TK2: variants seen among roughly 807,000 people sequenced by gnomAD.
TK2 encodes the protein thymidine kinase 2.
A neutral mutation model predicts 41.9 loss-of-function variants in TK2; 35 were observed. The observed-to-expected ratio is 0.84, with a 90% CI of 0.64 to 1.11. The LOEUF (loss-of-function observed/expected upper bound fraction) is 1.11. Among genes scored for constraint, TK2 ranks in the 50% least tolerant of loss-of-function variants. The pLI is 0.00. For synonymous variants in TK2, 128 were observed against 129.1 expected, an observed-to-expected ratio of 0.99 and a Z score of 0.06; for missense variants, 320 against 351.1, an observed-to-expected ratio of 0.91 and a Z score of 0.71.
At chr16:66,541,695 G>C (rs1179497538) in intron 3 of TK2, among the ~76,000 whole-genome samples, 184 bp downstream of exon 3, 2 of 152,062 alleles carry the variant, frequency 1.3e-5, no homozygotes, top group Non-Finnish European at 2.9e-5. Flanking sequence ...AGGATTACAG[G>C]CTTGAGCCAC....
chr16:66,530,288 G>A (rs1965069384), intron 5 of TK2, among the ~76,000 whole-genome samples: 1 of 152,178 alleles, frequency 6.6e-6, no homozygotes, highest in African/African-American at 2.4e-5. Flanking sequence ...CTGGCTGTAG[G>A]GACAGTCTGT....
Position 66,513,767 on chromosome 16 carries a change from G to C in TK2, c.663C>G (p.Ile221Met). The C allele has an allele frequency of 1.9e-6, 3 of 1,614,078 alleles. No homozygotes were observed. The highest frequency in any genetic ancestry group is 1.1e-5 in the South Asian group (1 of 91,076). The change falls in exon 9 of 10, where the codon ATC becomes ATG. Residue 221 changes from isoleucine (I) to methionine (M), a missense_variant. Transcript: ENST00000544898. ...AIHHLHEEWLIKGSLFPMAAP... is the reference protein window; with the variant it reads ...AIHHLHEEWLMKGSLFPMAAP... ...CTGCCATGGGGAAAAGGCTGCCTTTGATGAGCCACTCCTCATGGAGATGGT... is the reference window on the plus strand; with the variant it reads ...CTGCCATGGGGAAAAGGCTGCCTTTCATGAGCCACTCCTCATGGAGATGGT...
intron 9 of TK2, among the ~76,000 whole-genome samples, chr16:66,512,636 A>T (rs995431296): frequency 6.6e-6 from 1 of 152,110 alleles, no homozygotes; most frequent in African/African-American, 2.4e-5. Flanking sequence ...ATAAAAAATT[A>T]TCCAGGCATG....
At chr16:66,520,644 T>C (rs941352013) in intron 6 of TK2, among the ~76,000 whole-genome samples, 2 of 152,096 alleles carry the variant, frequency 1.3e-5, no homozygotes, top group Non-Finnish European at 2.9e-5. Context: ...CACGACTACA[T>C]TGTCACCCTG....
chr16:66,536,074 C>T (rs1305156026), intron 4 of TK2, among the ~76,000 whole-genome samples: 1 of 151,876 alleles, frequency 6.6e-6, no homozygotes, highest in South Asian at 2.1e-4. Context: ...CATGGTCGTG[C>T]GCACCTGTAG....
chr16:66,534,743 T>C (rs1965224414), intron 4 of TK2, among the ~76,000 whole-genome samples: 1 of 152,256 alleles, frequency 6.6e-6, no homozygotes, highest in African/African-American at 2.4e-5. Context: ...CCAACCCACC[T>C]ACTCAATCAC....
chr16:66,549,496 G>A, intron 1 of TK2: 1 of 1,037,850 alleles, frequency 9.6e-7, no homozygotes, highest in African/African-American at 1.7e-5. Context: ...GTGTAACAGT[G>A]ACCCGTTTCT....
In TK2 at chr16:66,516,775, C is replaced by T. The variant is rs189484807; in HGVS notation, c.618+361G>A. ...AGGGCTGGGTCCTGCCCTCCTGGAA[C>T]TCGCATTCTAGGGAGGACACAGAGA... is the stretch of plus-strand genomic sequence containing the variant. On this transcript the variant is annotated intron_variant, in intron 8 of 9. Transcript: ENST00000544898. Among the ~76,000 whole-genome samples, 565 of 152,170 alleles carry T rather than the reference C, an allele frequency of 3.7e-3. 3 individuals carry two copies. The highest frequency in any genetic ancestry group is 6.8e-3 in the Non-Finnish European group (464 of 68,014).
In TK2 at chr16:66,511,095, C is replaced by T. The variant is rs1023641904; in HGVS notation, c.*873G>A. The T allele has an allele frequency of 5.9e-5, 9 of 152,446 alleles. No individual in the cohort carries two copies. The highest frequency in any genetic ancestry group is 2.2e-4 in the African/African-American group (9 of 41,548). The allele number at this position is 152,446 out of a possible 1,614,324, so 9.4% of individuals were successfully genotyped here. A position where few individuals can be genotyped will look rare whatever the true frequency, so the allele number is the denominator to read the frequency against. ...GGCTGCCCCTTGCCCCAGCTTGGCTCTGGGCAAACCAGCCAGGCACCAAAA... is the reference window on the plus strand; with the variant it reads ...GGCTGCCCCTTGCCCCAGCTTGGCTTTGGGCAAACCAGCCAGGCACCAAAA... On this transcript the variant is annotated 3_prime_UTR_variant, in exon 10 of 10. Transcript: ENST00000544898.
chr16:66,538,736 A>G (rs1965364016), intron 3 of TK2, among the ~76,000 whole-genome samples: 1 of 152,240 alleles, frequency 6.6e-6, no homozygotes, highest in Admixed American at 6.5e-5. Flanking sequence ...TCTGTCAGGA[A>G]GCATAACCTC....
chr16:66,550,160 C>CCTGG, upstream of TK2: 1 of 1,612,690 alleles, frequency 6.2e-7, no homozygotes, highest in African/African-American at 1.3e-5. Flanking sequence ...GATCCCGGCG[C>CCTGG]CTGGCCCTTA....
At chr16:66,530,611 T>C (rs953709533) in intron 5 of TK2, among the ~76,000 whole-genome samples, 6 of 152,162 alleles carry the variant, frequency 3.9e-5, no homozygotes, top group Non-Finnish European at 7.3e-5. Context: ...AAACAAAGCA[T>C]GCATTCGAGT....
At chr16:66,543,692 C>T (rs1345005407) in intron 2 of TK2, among the ~76,000 whole-genome samples, 1 of 152,198 alleles carries the variant, frequency 6.6e-6, no homozygotes, top group East Asian at 1.9e-4. Context: ...CTTCTCACGA[C>T]TCCTGATGGA....
chr16:66,549,714 G>A, intron 1 of TK2: 1 of 1,266,644 alleles, frequency 7.9e-7, no homozygotes. Context: ...GCTCTTTAAA[G>A]GCCCTCTCTC....
rs187374385 is a variant in TK2, at chr16:66,524,390, C to T, written c.449+4604G>A. Among the ~76,000 whole-genome samples, 10 of 152,256 alleles carry T rather than the reference C, an allele frequency of 6.6e-5. No homozygotes were observed. In the East Asian group the frequency reaches 1.7e-3, roughly 26 times the overall value. On this transcript the variant is annotated intron_variant, in intron 6 of 9. Coordinates refer to ENST00000544898, the MANE Select transcript of TK2 (RefSeq NM_004614.5). ...CCACTGTGTCACTTGGGCTGGAGTG[C>T]AGTGGTATGCTCATAGCTCACTGCA...
rs929012642 is a variant in TK2 at position 66,508,715 on chromosome 16, GT to G, written c.*3252del. On this transcript the variant is annotated 3_prime_UTR_variant, in exon 10 of 10. Transcript: ENST00000544898. ...AATGGTGCATGTCTGCAGGAAGATT[GT>G]TCTGACTGATATATTCCCCAGGCGG... The G allele has an allele frequency of 1.3e-5, 2 of 152,250 alleles. No homozygotes were observed. Among genetic ancestry groups the G allele is most frequent in the Non-Finnish European group, 2.9e-5 (2 of 68,056 alleles). The allele number at this position is 152,250 out of a possible 1,614,324, so 9.4% of individuals were successfully genotyped here. A position where few individuals can be genotyped will look rare whatever the true frequency, so the allele number is the denominator to read the frequency against.
chr16:66,550,201 G>C (rs1291048500), upstream of TK2: 14 of 1,611,772 alleles, frequency 8.7e-6, no homozygotes, highest in Non-Finnish European at 1.2e-5. Flanking sequence ...ATCTCAGCAA[G>C]AGGAGAAATA....
In TK2 at chr16:66,510,585, C is replaced by G. The variant is rs1163175266; in HGVS notation, c.*1383G>C. On this transcript the variant is annotated 3_prime_UTR_variant, in exon 10 of 10. Coordinates refer to ENST00000544898, the MANE Select transcript of TK2 (RefSeq NM_004614.5). The stretch of plus-strand genomic sequence containing the variant: ...TTGCATGCACAGGTGCCCACACTCA[C>G]AGGGGCCTGGGAGCGGCCTTGCTAC... 3 of 152,294 alleles carry G rather than the reference C, an allele frequency of 2.0e-5. No individual in the cohort carries two copies. Among genetic ancestry groups the G allele is most frequent in the Non-Finnish European group, 4.4e-5 (3 of 68,098 alleles). 9.4% of individuals were successfully genotyped at this position (152,294 alleles called of 1,614,324 possible). A position where few individuals can be genotyped will look rare whatever the true frequency, so the allele number is the denominator to read the frequency against.
intron 4 of TK2, among the ~76,000 whole-genome samples, chr16:66,536,580 C>A (rs1050967177): frequency 6.6e-6 from 1 of 152,104 alleles, no homozygotes; most frequent in Non-Finnish European, 1.5e-5. Flanking sequence ...AGGGGTCCAC[C>A]AAGGATCCTG....
Sources: gnomAD v4.1 joint callset for allele counts (sites outside exome capture counted in the v4.1 genomes callset) on GRCh38, gnomAD v4.1.1 for gene constraint, MANE v1.5 for transcripts, NCBI Gene and HGNC (gene_info 2026-07-23, HGNC 2026-07-21) for gene names.